BRINP3: variants seen among roughly 807,000 people sequenced by gnomAD.
BRINP3 encodes BMP/retinoic acid inducible neural specific 3, also known as BMP/retinoic acid-inducible neural-specific protein 3.
In BRINP3, 19 loss-of-function variants were observed where a neutral mutation model predicts 71.0. That is an observed-to-expected ratio of 0.27 (90% CI 0.19 to 0.39). The LOEUF (loss-of-function observed/expected upper bound fraction) is 0.39. Among genes scored for constraint, BRINP3 ranks in the 10% least tolerant of loss-of-function variants. The pLI is 1.00. For synonymous variants in BRINP3, 380 were observed against 337.7 expected (o/e 1.13, Z -1.37); for missense variants, 959 against 940.8 (o/e 1.02, Z -0.25).
At chr1:190,391,813 C>T (rs546075700) in intron 2 of BRINP3, among the ~76,000 whole-genome samples, 9 of 151,838 alleles carry the variant, frequency 5.9e-5, no homozygotes, top group African/African-American at 2.2e-4. Context: ...GAGACCAAAA[C>T]ATGCCTGTCT....
chr1:190,312,075 A>ATATATATATATG (rs1328430258), intron 2 of BRINP3, among the ~76,000 whole-genome samples: 2 of 136,548 alleles, frequency 1.5e-5, no homozygotes, highest in African/African-American at 5.4e-5. Flanking sequence ...ATATATATAT[A>ATATATATATATG]TGTATTTCTA....
intron 6 of BRINP3, among the ~76,000 whole-genome samples, chr1:190,204,392 T>C (rs998694705): frequency 6.6e-5 from 10 of 151,994 alleles, no homozygotes; most frequent in Admixed American, 5.9e-4. Context: ...ATATTTATTT[T>C]GGTAGAAATA....
intron 2 of BRINP3, among the ~76,000 whole-genome samples, chr1:190,350,133 T>C (rs577022036): frequency 5.0e-4 from 76 of 152,226 alleles, no homozygotes; most frequent in Non-Finnish European, 7.8e-4. Flanking sequence ...TCAAAAGGAT[T>C]GTGTTCATTA....
At chr1:190,229,687 CACAA>C (rs1056412019) in intron 5 of BRINP3, among the ~76,000 whole-genome samples, 3 of 145,678 alleles carry the variant, frequency 2.1e-5, no homozygotes, top group African/African-American at 5.2e-5. Context: ...CACACACACA[CACAA>C]AGAAACCACT....
intron 2 of BRINP3, among the ~76,000 whole-genome samples, chr1:190,360,894 C>T (rs1669099926): frequency 6.6e-6 from 1 of 151,826 alleles, no homozygotes; most frequent in Non-Finnish European, 1.5e-5. Context: ...AAAAGTTATA[C>T]ATCTACACAA....
At chr1:190,428,580 C>A (rs1673880998) in intron 2 of BRINP3, among the ~76,000 whole-genome samples, 1 of 151,848 alleles carries the variant, frequency 6.6e-6, no homozygotes, top group African/African-American at 2.4e-5. Flanking sequence ...TCTTTAACAC[C>A]CACCAAAAAT....
Position 190,408,052 on chromosome 1 carries a change from C to T in BRINP3, c.236+46603G>A, listed in dbSNP as rs1336944920. On this transcript the variant is annotated intron_variant, in intron 2 of 7. Transcript: ENST00000367462. ...TTTTTTTTTTTTTGAGATGGAGTCT[C>T]GCTCTGTTGCCCAGGCTGGAGTGCA... 1.7e-4 allele frequency among the ~76,000 whole-genome samples: 20 copies of T among 120,940 alleles called. No homozygotes were observed. In the East Asian group the frequency reaches 4.2e-3, roughly 25 times the overall value. The allele number at this position is 120,940 out of a possible 152,430, so 79.3% of individuals were successfully genotyped here. A position where few individuals can be genotyped will look rare whatever the true frequency, so the allele number is the denominator to read the frequency against.
At chr1:190,231,485 A>G (rs1657982505) in intron 5 of BRINP3, among the ~76,000 whole-genome samples, 1 of 151,784 alleles carries the variant, frequency 6.6e-6, no homozygotes. Flanking sequence ...TCATTTTCTC[A>G]AGGTCTGCCA....
At position 190,477,669 on chromosome 1, in the gene BRINP3, T is replaced by A. The variant is rs1394426806; in HGVS notation, c.-272A>T. The A allele has an allele frequency of 6.7e-6, 1 of 148,254 alleles. No homozygotes were observed. Among genetic ancestry groups the A allele is most frequent in the Admixed American group, 6.7e-5 (1 of 14,932 alleles). 9.2% of individuals were successfully genotyped at this position (148,254 alleles called of 1,614,324 possible). A position where few individuals can be genotyped will look rare whatever the true frequency, so the allele number is the denominator to read the frequency against. On this transcript the variant is annotated 5_prime_UTR_variant, in exon 1 of 8. Transcript: ENST00000367462. ...AAGCAGAATGTGAAAATGCTTTATA[T>A]GGGGGGGTGGGGAATGGTGGGGGGT...
chr1:190,475,384 A>C (rs1677430309), intron 1 of BRINP3, among the ~76,000 whole-genome samples: 1 of 152,320 alleles, frequency 6.6e-6, no homozygotes, highest in African/African-American at 2.4e-5. Context: ...TGGCTTAGGA[A>C]GGTTGGAAAT....
chr1:190,268,376 G>T (rs1358520920), intron 3 of BRINP3, among the ~76,000 whole-genome samples: 1 of 152,038 alleles, frequency 6.6e-6, no homozygotes, highest in Non-Finnish European at 1.5e-5. Flanking sequence ...TGGGATTGCT[G>T]CCATGAGCCA....
intron 2 of BRINP3, among the ~76,000 whole-genome samples, chr1:190,384,220 T>G (rs1670736957): frequency 2.0e-5 from 3 of 151,684 alleles, no homozygotes; most frequent in Non-Finnish European, 4.4e-5. Context: ...GTTAGTATAG[T>G]GTCATGAATA....
At chr1:190,472,958 GA>G (rs1382678222) in intron 1 of BRINP3, among the ~76,000 whole-genome samples, 1 of 151,772 alleles carries the variant, frequency 6.6e-6, no homozygotes, top group East Asian at 1.9e-4. Flanking sequence ...TTTCTATGAT[GA>G]TGATGAATTT....
At chr1:190,234,289 TA>T in intron 5 of BRINP3, 82 bp downstream of exon 5, 1 of 981,870 alleles carries the variant, frequency 1.0e-6, no homozygotes, top group Non-Finnish European at 1.5e-6. Flanking sequence ...ATATGCAGTT[TA>T]CTTTAAAAAA....
At chr1:190,243,380 A>G (rs778613785) in intron 4 of BRINP3, among the ~76,000 whole-genome samples, 1 of 152,090 alleles carries the variant, frequency 6.6e-6, no homozygotes, top group African/African-American at 2.4e-5. Flanking sequence ...CACAGCAACT[A>G]TAAAAAATAC....
chr1:190,265,515 C>T (rs1182282890), intron 3 of BRINP3, among the ~76,000 whole-genome samples: 1 of 146,976 alleles, frequency 6.8e-6, no homozygotes, highest in East Asian at 2.0e-4. Context: ...TCCTGGCTAA[C>T]ACGGTGAAAC....
chr1:190,296,274 G>A (rs750135946), intron 2 of BRINP3, among the ~76,000 whole-genome samples: 3 of 151,396 alleles, frequency 2.0e-5, no homozygotes, highest in Non-Finnish European at 4.4e-5. Flanking sequence ...GATATACATG[G>A]ATAATAAATA....
chr1:190,173,002 C>G (rs1652159069), intron 6 of BRINP3, among the ~76,000 whole-genome samples: 1 of 152,150 alleles, frequency 6.6e-6, no homozygotes, highest in African/African-American at 2.4e-5. Context: ...AATGTTTCTT[C>G]AGTTCTCTTT....
intron 2 of BRINP3, among the ~76,000 whole-genome samples, chr1:190,402,106 C>T (rs1671966004): frequency 6.6e-6 from 1 of 151,982 alleles, no homozygotes; most frequent in East Asian, 1.9e-4. Context: ...GAAGAATAAT[C>T]TTTTACTCTT....
Sources: allele counts gnomAD v4.1 joint callset (sites outside exome capture counted in the v4.1 genomes callset), GRCh38; gene constraint gnomAD v4.1.1; transcripts MANE v1.5; gene names NCBI Gene and HGNC (gene_info 2026-07-23, HGNC 2026-07-21).